Variants in PPM1J observed in about 807,000 individuals in gnomAD.
PPM1J encodes protein phosphatase 1J.
PPM1J carries 43 observed loss-of-function variants against 53.3 expected under a neutral mutation model. The ratio of observed to expected loss-of-function variants is 0.81; its 90% confidence interval spans 0.63 to 1.04. The LOEUF (loss-of-function observed/expected upper bound fraction) is 1.04, where lower values mean the gene tolerates loss of function less well. Ranked by LOEUF, PPM1J falls within the 50% of genes least tolerant of loss-of-function variation. The pLI, the probability that PPM1J is intolerant of heterozygous loss-of-function variation, is 0.00. For missense variants in PPM1J, 635 were observed against 685.9 expected, an observed-to-expected ratio of 0.93 and a Z score of 0.83; for synonymous variants, 267 against 286.4, an observed-to-expected ratio of 0.93 and a Z score of 0.68.
At position 112,710,761 on chromosome 1, in the gene PPM1J, G is replaced by T. The variant is rs1004444151; in HGVS notation, c.1201C>A (p.Leu401Ile). The T allele has an allele frequency of 1.2e-6, 2 of 1,614,044 alleles. No individual in the cohort carries two copies. The highest frequency in any genetic ancestry group is 1.3e-5 in the African/African-American group (1 of 74,928). The change falls in exon 8 of 10, where the codon CTC (leucine) becomes ATC (isoleucine). Residue 401 changes from leucine (L) to isoleucine (I), a missense_variant. By Grantham distance (5) the Leu-to-Ile change is conservative. Transcript: ENST00000309276. The part of the protein sequence containing the change: ...CSSTLPIKPF[L>I]SCFPEVRVYD... The stretch of plus-strand genomic sequence containing the variant: ...GGGCTCACCTCAGGGAAGCAGGAGA[G>T]AAAGGGCTTGATGGGCAGGGTGGAA...
At position 112,715,119 on chromosome 1, in the gene PPM1J, A is replaced by G. The variant is rs892652923; in HGVS notation, c.183T>C (p.Val61=). ...GTCTGGAGAAGCTCGCTCGAGCCTC[A>G]ACAGCCTTCGCGGGCGTCGCGCTCC... is the stretch of plus-strand genomic sequence containing the variant. ...GSGSATPAKA[V]EARASFSRPT... Residue 61 remains valine (V), a synonymous_variant, in exon 1 of 10, where the codon GTT becomes GTC. Coordinates refer to ENST00000309276, the MANE Select transcript of PPM1J (RefSeq NM_005167.7). The surrounding 1 kb of genome is among the most constrained non-coding windows in gnomAD (Gnocchi z 4.4). 5 of 1,556,532 alleles carry G rather than the reference A, an allele frequency of 3.2e-6. No homozygotes were observed. Among genetic ancestry groups the G allele is most frequent in the Non-Finnish European group, 4.3e-6 (5 of 1,161,498 alleles).
At chr1:112,713,064 TTGTGTGTGTGTGTGTG>T (rs36095892) in intron 2 of PPM1J, 33 bp from the exon 3 acceptor site, 7 of 1,032,022 alleles carry the variant, frequency 6.8e-6, no homozygotes, top group Middle Eastern at 3.2e-4. Context: ...TGAGTTTTGT[TTGTGTGTGTGTGTGTG>T]TGTGTGTGTG....
At chr1:112,713,064 T>TTGTGTGTGTGTGTGTGTGTGTGTG in intron 2 of PPM1J, 33 bp from the exon 3 acceptor site, 3 of 1,032,024 alleles carry the variant, frequency 2.9e-6, no homozygotes, top group African/African-American at 1.6e-5. Flanking sequence ...TGAGTTTTGT[T>TTGTGTGTGTGTGTGTGTGTGTGTG]TGTGTGTGTG....
chr1:112,714,541 G>A, intron 1 of PPM1J: 1 of 995,688 alleles, frequency 1.0e-6, no homozygotes, highest in Non-Finnish European at 1.2e-6. Context: ...CAGGGAACTG[G>A]GGCGCTGGAG....
In PPM1J at chr1:112,712,819, G is replaced by A. The variant is rs780472886; in HGVS notation, c.654C>T (p.Ser218=). The change falls in exon 3 of 10, where the codon TCC becomes TCT. Residue 218 remains serine, a synonymous_variant. Transcript: ENST00000309276. ...TCACTTCCTTCTGTGAAGACCAGCA[G>A]GACTGAGGGCCAAGCAAGTGAGAGG... ...SDPSHLLGPQ[S]CWSSQKEVSH... The A allele has an allele frequency of 1.2e-6, 2 of 1,613,528 alleles. No individual in the cohort carries two copies. Among genetic ancestry groups the A allele is most frequent in the Non-Finnish European group, 1.7e-6 (2 of 1,180,012 alleles).
At position 112,711,267 on chromosome 1, in the gene PPM1J, A is replaced by G. The variant is rs772963847; in HGVS notation, c.1045T>C (p.Trp349Arg). 1 of 1,606,222 alleles carries G rather than the reference A, an allele frequency of 6.2e-7. No homozygotes were observed. Among genetic ancestry groups the G allele is most frequent in the South Asian group, 1.1e-5 (1 of 90,676 alleles). The change falls in exon 6 of 10, where the codon TGG becomes CGG. Residue 349 changes from tryptophan to arginine, a missense_variant and splice_region_variant. Trp to Arg is a moderately radical substitution (Grantham distance 101). Transcript: ENST00000309276. ...MLYRDQNMTG[W>R]AYKKIELEDL... ...CCCCAGCTCTGAGGGAAGTGTTACC[A>G]GCCGGTCATGTTCTGGTCCCGGTAC...
chr1:112,711,925 C>A, intron 5 of PPM1J, 46 bp downstream of exon 5: 1 of 1,399,314 alleles, frequency 7.1e-7, no homozygotes, highest in South Asian at 1.2e-5. Flanking sequence ...CAGGGAGGCA[C>A]AAGACCCGAC....
chr1:112,714,357 C>A, intron 1 of PPM1J: 1 of 985,576 alleles, frequency 1.0e-6, no homozygotes, highest in Non-Finnish European at 1.2e-6. Context: ...CCGCTCCGGG[C>A]AGGGGGTCCG....
chr1:112,714,227 G>GGT (rs1675138829), intron 1 of PPM1J: 2 of 986,796 alleles, frequency 2.0e-6, no homozygotes, highest in Non-Finnish European at 2.4e-6. Flanking sequence ...TAAGGGAGGT[G>GGT]GTGGTGGGTC....
At position 112,712,043 on chromosome 1, in the gene PPM1J, G is replaced by A. The variant is rs773877539; in HGVS notation, c.855C>T (p.Val285=). The part of the protein sequence containing the change: ...ANAGDSRAII[V]RNGEIIPMSR... ...ACATTGGAATGATTTCACCATTCCG[G>A]ACAATGATGGCCCTGCCCAAAGAAA... is the stretch of plus-strand genomic sequence containing the variant. Residue 285 remains valine, a synonymous_variant, in exon 5 of 10, where the codon GTC becomes GTT. Coordinates refer to ENST00000309276, the MANE Select transcript of PPM1J (RefSeq NM_005167.7). The A allele has an allele frequency of 5.6e-6, 9 of 1,609,402 alleles. No individual in the cohort carries two copies. In the South Asian group the frequency reaches 9.9e-5, roughly 18 times the overall value.
At chr1:112,714,310 A>C in intron 1 of PPM1J, 2 of 985,640 alleles carry the variant, frequency 2.0e-6, no homozygotes, top group Non-Finnish European at 2.4e-6. Context: ...TTCCCGGCAG[A>C]TGCATTTAAA....
At chr1:112,711,848 G>C in intron 5 of PPM1J, 123 bp downstream of exon 5, 1 of 671,336 alleles carries the variant, frequency 1.5e-6, no homozygotes, top group South Asian at 1.9e-5. Context: ...TCCACACAGC[G>C]GCCTTCCCAG....
At position 112,712,860 on chromosome 1, in the gene PPM1J, G is replaced by A. The variant is rs958645174; in HGVS notation, c.613C>T (p.Pro205Ser). ...PLCLPTTPGT[P>S]DSSDPSHLLG... ...AAGTGAGAGGGATCGGAGGAATCTG[G>A]GGTCCCCGGAGTGGTTGGGAGGCAG... The change falls in exon 3 of 10, where the codon CCA (proline) becomes TCA (serine). Residue 205 changes from proline (P) to serine (S), a missense_variant. By Grantham distance (74) the Pro-to-Ser change is moderately conservative. Transcript: ENST00000309276. 1.2e-5 allele frequency: 19 copies of A among 1,613,780 alleles called. No homozygotes were observed. Among genetic ancestry groups the A allele is most frequent in the Non-Finnish European group, 1.6e-5 (19 of 1,180,008 alleles).
chr1:112,714,244 C>T, intron 1 of PPM1J: 1 of 985,912 alleles, frequency 1.0e-6, no homozygotes, highest in Non-Finnish European at 1.2e-6. Context: ...GGTCCATGGG[C>T]CACCAGCCAC....
rs375393160 is a variant in PPM1J, at chr1:112,711,101, C to A, written c.1047-30G>T. On this transcript the variant is annotated intron_variant, in intron 6 of 9. Coordinates refer to ENST00000309276, the MANE Select transcript of PPM1J (RefSeq NM_005167.7). ...GGAGGGGGGAGTAGAGGAGGCATCA[C>A]CCAGGCATCAAAGCCCCTCTCCCCT... 8.1e-6 allele frequency: 13 copies of A among 1,604,260 alleles called. No homozygotes were observed. In the African/African-American group the frequency reaches 1.7e-4, roughly 21 times the overall value.
chr1:112,712,114 A>G, intron 4 of PPM1J, 59 bp from the exon 5 acceptor site: 2 of 1,426,174 alleles, frequency 1.4e-6, no homozygotes, highest in Non-Finnish European at 1.9e-6. Context: ...CTCATGAAAA[A>G]TTCCAGAAAG....
Position 112,710,226 on chromosome 1 carries a change from C to T in PPM1J, c.1455G>A (p.Leu485=), listed in dbSNP as rs547163944. The T allele has an allele frequency of 1.3e-6, 2 of 1,587,464 alleles. No homozygotes were observed. The highest frequency in any genetic ancestry group is 1.4e-5 in the African/African-American group (1 of 72,842). ...DRGWRLPNNK[L]GSGDDISVFV... ...AGACAGAGATGTCATCCCCGGAACC[C>T]AGCTTGTTGTTGGGGAGACGCCAGC... The change falls in exon 10 of 10, where the codon CTG becomes CTA. Residue 485 remains leucine (L), a synonymous_variant. Transcript: ENST00000309276.
intron 3 of PPM1J, 113 bp downstream of exon 3, chr1:112,712,631 C>T (rs944262878): frequency 1.6e-6 from 2 of 1,242,762 alleles, no homozygotes; most frequent in African/African-American, 3.0e-5. Context: ...GAACCAAGCT[C>T]TGCTCAGGCT....
rs772660857 is a variant in PPM1J, at chr1:112,710,436, A to G, written c.1370+24T>C. 9.9e-6 allele frequency: 16 copies of G among 1,612,986 alleles called. No homozygotes were observed. In the South Asian group the frequency reaches 1.5e-4, roughly 16 times the overall value. On this transcript the variant is annotated intron_variant, in intron 9 of 9. Coordinates refer to ENST00000309276, the MANE Select transcript of PPM1J (RefSeq NM_005167.7). ...CTTCTTTCACCAATGCCATCCCCTTACCACCATGCCATGCAGCCCCTACCT... is the reference window on the plus strand; with the variant it reads ...CTTCTTTCACCAATGCCATCCCCTTGCCACCATGCCATGCAGCCCCTACCT...
Sources: gnomAD v4.1 joint callset for allele counts on GRCh38, gnomAD v4.1.1 for gene constraint, Gnocchi (gnomAD v3.1) non-coding constraint, MANE v1.5 for transcripts, NCBI Gene and HGNC (gene_info 2026-07-23, HGNC 2026-07-21) for gene names.